CSNK1G3: variants seen among roughly 807,000 people sequenced by gnomAD.
CSNK1G3 encodes the protein casein kinase I isoform gamma-3.
A neutral mutation model predicts 64.3 loss-of-function variants in CSNK1G3; 23 were observed. The ratio of observed to expected loss-of-function variants is 0.36; its 90% CI spans 0.26 to 0.51. The LOEUF is 0.51. Ranked by LOEUF, CSNK1G3 falls within the 20% of genes least tolerant of loss-of-function variation. The probability of loss-of-function intolerance (pLI) is 0.96; values close to 1 mark genes in which losing one functional copy is unlikely to be tolerated. For missense variants in CSNK1G3, 357 were observed against 510.5 expected, an observed-to-expected ratio of 0.70 and a Z score of 2.90; for synonymous variants, 158 against 162.2, an observed-to-expected ratio of 0.97 and a Z score of 0.20.
chr5:123,601,319 A>G (rs1225890446), intron 10 of CSNK1G3, among the ~76,000 whole-genome samples: 1 of 152,198 alleles, frequency 6.6e-6, no homozygotes, highest in Non-Finnish European at 1.5e-5. Context: ...TTTTAATGCC[A>G]TGATACACTC....
intron 8 of CSNK1G3, 104 bp downstream of exon 8, chr5:123,588,615 G>T: frequency 1.3e-6 from 1 of 752,480 alleles, no homozygotes. Context: ...AAAAAAAAAA[G>T]AGCTAAAAAT....
chr5:123,604,701 TA>T (rs752947311), intron 10 of CSNK1G3, 22 bp from the exon 12 acceptor site: 2 of 1,455,628 alleles, frequency 1.4e-6, no homozygotes, highest in African/African-American at 1.4e-5. Flanking sequence ...TATACATATA[TA>T]AAAAATTTTT....
intron 4 of CSNK1G3, among the ~76,000 whole-genome samples, chr5:123,569,924 A>G (rs1395385235): frequency 6.6e-6 from 1 of 152,160 alleles, no homozygotes; most frequent in African/African-American, 2.4e-5. Flanking sequence ...CAAATTTTTG[A>G]GTGTTAAATC....
At chr5:123,577,007 T>C (rs1789296518) in intron 6 of CSNK1G3, among the ~76,000 whole-genome samples, 1 of 152,098 alleles carries the variant, frequency 6.6e-6, no homozygotes, top group Non-Finnish European at 1.5e-5. Flanking sequence ...TTAATTCTTA[T>C]CTTATTTAAT....
At chr5:123,591,494 TGAA>T in intron 10 of CSNK1G3, 80 bp downstream of exon 10, 2 of 751,588 alleles carry the variant, frequency 2.7e-6, no homozygotes, top group Non-Finnish European at 4.2e-6. Flanking sequence ...TAAAACAGAC[TGAA>T]GGATTGAAAA....
chr5:123,605,311 G>A (rs1302634283), intron 11 of CSNK1G3, 28 bp from the exon 13 acceptor site: 56 of 1,560,262 alleles, frequency 3.6e-5, no homozygotes, highest in Non-Finnish European at 4.8e-5. Flanking sequence ...TTTTTTCCTT[G>A]TATTTTTTTT....
chr5:123,542,055 A>G (rs940164865), intron 1 of CSNK1G3, among the ~76,000 whole-genome samples: 1 of 152,178 alleles, frequency 6.6e-6, no homozygotes, highest in Non-Finnish European at 1.5e-5. Context: ...ATGTGGAACC[A>G]CATAATTCTT....
chr5:123,516,543 A>G (rs1777194615), intron 1 of CSNK1G3, among the ~76,000 whole-genome samples: 1 of 152,182 alleles, frequency 6.6e-6, no homozygotes, highest in African/African-American at 2.4e-5. Context: ...TTGTTAGACC[A>G]TAGTGATTGG....
At chr5:123,572,319 T>TG (rs1318235932) in intron 4 of CSNK1G3, among the ~76,000 whole-genome samples, 3 of 152,192 alleles carry the variant, frequency 2.0e-5, no homozygotes, top group Admixed American at 6.5e-5. Context: ...TTCAGTTTAT[T>TG]GGGAGTCTGT....
rs184510434 is a variant in CSNK1G3, at chr5:123,572,028, A to T, written c.290-1365A>T. 9.8e-5 allele frequency among the ~76,000 whole-genome samples: 15 copies of T among 152,366 alleles called. No individual in the cohort carries two copies. In the East Asian group the frequency reaches 2.7e-3, roughly 27 times the overall value. On this transcript the variant is annotated intron_variant, in intron 4 of 12. Coordinates refer to ENST00000345990, the Ensembl canonical transcript of CSNK1G3. ...TGTTTTGAGAGAGTTACCCTTGGCT[A>T]CAAGGATCATTAACAAGAATGGCCT...
chr5:123,576,389 G>C (rs963079452), intron 6 of CSNK1G3, among the ~76,000 whole-genome samples: 2 of 152,114 alleles, frequency 1.3e-5, no homozygotes, highest in Non-Finnish European at 2.9e-5. Context: ...AATGCTAACA[G>C]CATATACCTT....
chr5:123,566,821 G>A (rs981147764), intron 4 of CSNK1G3, among the ~76,000 whole-genome samples: 11 of 150,970 alleles, frequency 7.3e-5, no homozygotes, highest in South Asian at 6.2e-4. Context: ...GCATATGTTC[G>A]TAATAAAAAT....
chr5:123,543,665 G>A (rs1782051733), intron 1 of CSNK1G3, among the ~76,000 whole-genome samples: 1 of 152,172 alleles, frequency 6.6e-6, no homozygotes, highest in Admixed American at 6.5e-5. Context: ...CAGAGAGCTT[G>A]GATGAAGGTG....
At chr5:123,544,456 T>C (rs1782203039) in intron 1 of CSNK1G3, among the ~76,000 whole-genome samples, 1 of 152,234 alleles carries the variant, frequency 6.6e-6, no homozygotes, top group Non-Finnish European at 1.5e-5. Flanking sequence ...TTGCATTATA[T>C]AATTAGAAAA....
chr5:123,601,172 G>A (rs1794430453), intron 10 of CSNK1G3, among the ~76,000 whole-genome samples: 2 of 151,850 alleles, frequency 1.3e-5, no homozygotes, highest in African/African-American at 2.4e-5. Flanking sequence ...TTAGAATTTG[G>A]CTTATAAAAA....
chr5:123,583,613 C>T (rs1349458411), intron 6 of CSNK1G3, among the ~76,000 whole-genome samples: 1 of 152,194 alleles, frequency 6.6e-6, no homozygotes, highest in Non-Finnish European at 1.5e-5. Context: ...ATCAGCCCGC[C>T]TCAGCCTCCC....
chr5:123,538,168 C>CATTTTT (rs1356649140), intron 1 of CSNK1G3, among the ~76,000 whole-genome samples: 26 of 152,240 alleles, frequency 1.7e-4, no homozygotes, highest in African/African-American at 6.0e-4. Context: ...TGTAAACATA[C>CATTTTT]ATTTTTATTT....
chr5:123,552,349 C>T (rs1278629208), intron 2 of CSNK1G3, among the ~76,000 whole-genome samples: 16 of 152,020 alleles, frequency 1.1e-4, no homozygotes, highest in Non-Finnish European at 1.3e-4. Context: ...TTTCACCATG[C>T]TGGTCAGTCT....
At chr5:123,543,496 C>T (rs1322089764) in intron 1 of CSNK1G3, among the ~76,000 whole-genome samples, 3 of 152,008 alleles carry the variant, frequency 2.0e-5, no homozygotes, top group African/African-American at 4.8e-5. Context: ...TCTGCCCTAC[C>T]ACCACCTTAC....
Sources: gnomAD v4.1 joint callset for allele counts (sites outside exome capture counted in the v4.1 genomes callset) on GRCh38, gnomAD v4.1.1 for gene constraint, MANE v1.5 for transcripts, NCBI Gene and HGNC (gene_info 2026-07-23, HGNC 2026-07-21) for gene names.